The following SCN9A variants were observed in gnomAD, a reference collection of about 807,000 sequenced individuals.
The protein encoded by SCN9A is sodium voltage-gated channel alpha subunit 9.
In SCN9A, 131 loss-of-function variants were observed where a neutral mutation model predicts 187.0. The observed-to-expected ratio is 0.70, with a 90% CI of 0.61 to 0.81. The LOEUF is 0.81. Ranked by LOEUF, SCN9A falls within the 30% of genes least tolerant of loss-of-function variation. SCN9A has a pLI of 0.00. For missense variants in SCN9A, 2,252 were observed against 2,396.6 expected (o/e 0.94, Z 1.26); for synonymous variants, 809 against 808.6 (o/e 1.00, Z -0.01).
chr2:166,354,686 C>T (rs16852010), intron 1 of SCN9A, among the ~76,000 whole-genome samples: 41,378 of 152,010 alleles, frequency 0.27, 8,510 homozygotes, highest in African/African-American at 0.58. Flanking sequence ...GGTTGATTAA[C>T]CCTAACTTAA....
chr2:166,202,347 T>A (rs1444284608), intron 26 of SCN9A, among the ~76,000 whole-genome samples: 4 of 151,742 alleles, frequency 2.6e-5, no homozygotes, highest in Admixed American at 2.6e-4. Context: ...ACACAGTAAA[T>A]TGGTAATTAT....
chr2:166,208,626 A>C (rs1182061650), intron 24 of SCN9A, among the ~76,000 whole-genome samples: 3 of 152,166 alleles, frequency 2.0e-5, no homozygotes, highest in African/African-American at 7.2e-5. Context: ...ATTATTAAAA[A>C]CTAATTTCAC....
intron 1 of SCN9A, among the ~76,000 whole-genome samples, chr2:166,367,727 C>T (rs1249678080): frequency 1.3e-5 from 2 of 152,156 alleles, no homozygotes; most frequent in Non-Finnish European, 2.9e-5. Context: ...CAATAATACT[C>T]CTAGACCAGG....
At chr2:166,309,883 G>A (rs1474221740) in intron 2 of SCN9A, among the ~76,000 whole-genome samples, 1 of 149,102 alleles carries the variant, frequency 6.7e-6, no homozygotes, top group Non-Finnish European at 1.5e-5. Flanking sequence ...AAACAGCATG[G>A]TACTGGTACC....
intron 4 of SCN9A, 29 bp from the exon 5 acceptor site, chr2:166,305,949 G>C: frequency 6.2e-7 from 1 of 1,608,836 alleles, no homozygotes; most frequent in Non-Finnish European, 8.5e-7. Flanking sequence ...TGGGATACTA[G>C]ATGTGAAAAG....
intron 20 of SCN9A, among the ~76,000 whole-genome samples, 172 bp from the exon 21 acceptor site, chr2:166,233,634 A>G (rs1382378583): frequency 1.3e-5 from 2 of 152,128 alleles, no homozygotes; most frequent in African/African-American, 4.8e-5. Flanking sequence ...CTGTAAGGAA[A>G]TAGATTTAAA....
chr2:166,207,031 C>T (rs1284645572), intron 24 of SCN9A, among the ~76,000 whole-genome samples: 12 of 152,140 alleles, frequency 7.9e-5, no homozygotes, highest in Admixed American at 7.9e-4. Context: ...AAGCCTAAAT[C>T]TTACAAAGGG....
intron 17 of SCN9A, among the ~76,000 whole-genome samples, chr2:166,254,054 C>A (rs1004320462): frequency 6.6e-6 from 1 of 151,476 alleles, no homozygotes; most frequent in African/African-American, 2.4e-5. Flanking sequence ...AGTAAAAATT[C>A]ACGTGATTTT....
chr2:166,264,194 G>C (rs991473043), intron 17 of SCN9A, among the ~76,000 whole-genome samples: 1 of 151,948 alleles, frequency 6.6e-6, no homozygotes, highest in African/African-American at 2.4e-5. Flanking sequence ...TTAGAGCATA[G>C]TAAGGTGTAA....
chr2:166,295,448 C>G (rs1448705182), intron 7 of SCN9A, among the ~76,000 whole-genome samples: 1 of 152,128 alleles, frequency 6.6e-6, no homozygotes, highest in Non-Finnish European at 1.5e-5. Context: ...GGCTACCATA[C>G]ACCTAGGCTA....
intron 24 of SCN9A, among the ~76,000 whole-genome samples, chr2:166,222,978 AC>A (rs1694687110): frequency 3.2e-5 from 4 of 126,370 alleles, no homozygotes; most frequent in Non-Finnish European, 5.2e-5. Context: ...AAAAACAGCA[AC>A]AAAAAACCGT....
intron 1 of SCN9A, among the ~76,000 whole-genome samples, chr2:166,313,354 T>C (rs1699026709): frequency 6.6e-6 from 1 of 152,166 alleles, no homozygotes; most frequent in Non-Finnish European, 1.5e-5. Context: ...TGTTAGACCT[T>C]CATTGCAAAT....
At chr2:166,204,665 C>T in intron 24 of SCN9A, 2 of 330,402 alleles carry the variant, frequency 6.1e-6, no homozygotes, top group Non-Finnish European at 1.1e-5. Context: ...GTTAAATGTG[C>T]ATATATAAAT....
rs367569684 is a variant in SCN9A at position 166,281,675 on chromosome 2, A to G, written c.2104+4T>C. ...CTGTACAGTAAAAGAAGATTATTAC[A>G]TACCTTCCACAGTGTTTGTTAATAT... On this transcript the variant is annotated splice_donor_region_variant and intron_variant, in intron 13 of 26. Transcript: ENST00000642356. 6 of 1,612,192 alleles carry G rather than the reference A, an allele frequency of 3.7e-6. No individual in the cohort carries two copies. Among genetic ancestry groups the G allele is most frequent in the East Asian group, 4.5e-5 (2 of 44,778 alleles).
intron 24 of SCN9A, among the ~76,000 whole-genome samples, chr2:166,210,926 T>A (rs1475267138): frequency 6.6e-6 from 1 of 151,978 alleles, no homozygotes; most frequent in Admixed American, 6.6e-5. Flanking sequence ...CTGGGTGTGG[T>A]GGTGGGTGCC....
At chr2:166,356,723 T>C (rs1333354201) in intron 1 of SCN9A, among the ~76,000 whole-genome samples, 1 of 152,198 alleles carries the variant, frequency 6.6e-6, no homozygotes, top group Non-Finnish European at 1.5e-5. Flanking sequence ...ATACCCTATA[T>C]AAACATTGTT....
chr2:166,305,641 C>T, intron 5 of SCN9A, 151 bp downstream of exon 5: 1 of 1,009,558 alleles, frequency 9.9e-7, no homozygotes, highest in South Asian at 1.5e-5. Flanking sequence ...ATTTGCCTAT[C>T]AATGACTAGC....
chr2:166,201,259 CTATACATATACATATACTATACA>C (rs1423352258), intron 26 of SCN9A, among the ~76,000 whole-genome samples: 1,420 of 140,356 alleles, frequency 0.01, 26 homozygotes, highest in African/African-American at 0.039. Flanking sequence ...TATACATATA[CTATACATATACATATACTATACA>C]TATACATATA....
At chr2:166,319,112 A>G (rs1402647860) in intron 1 of SCN9A, among the ~76,000 whole-genome samples, 2 of 152,044 alleles carry the variant, frequency 1.3e-5, no homozygotes, top group Non-Finnish European at 2.9e-5. Flanking sequence ...AAATAAGATA[A>G]CTAACTAAAA....
Sources: gnomAD v4.1 joint callset for allele counts (sites outside exome capture counted in the v4.1 genomes callset) on GRCh38, gnomAD v4.1.1 for gene constraint, MANE v1.5 for transcripts, NCBI Gene and HGNC (gene_info 2026-07-23, HGNC 2026-07-21) for gene names.